Variants in TET3 observed in about 807,000 individuals in gnomAD.
The protein encoded by TET3 is methylcytosine dioxygenase TET3.
In TET3, 19 loss-of-function variants were observed where a neutral mutation model predicts 141.4. The ratio of observed to expected loss-of-function variants is 0.13; its 90% CI spans 0.09 to 0.20. The LOEUF (loss-of-function observed/expected upper bound fraction) is 0.20. Ranked by LOEUF, TET3 falls within the 10% of genes least tolerant of loss-of-function variation. TET3 has a pLI of 1.00. For synonymous variants in TET3, 1,043 were observed against 980.9 expected, an observed-to-expected ratio of 1.06 and a Z score of -1.18; for missense variants, 1,874 against 2,356.9, an observed-to-expected ratio of 0.80 and a Z score of 4.24.
At position 74,061,821 on chromosome 2, in the gene TET3, T is replaced by C. The variant is rs1193759587; in HGVS notation, c.2495-11728T>C. On this transcript the variant is annotated intron_variant, in intron 4 of 11. Coordinates refer to ENST00000409262, the MANE Select transcript of TET3 (RefSeq NM_001287491.2). ...GAGGCGCTCCTCACATCTCAGACGA[T>C]GGGCGGCCGGGCAGAGACGCTCCTC... is the stretch of plus-strand genomic sequence containing the variant. Among the ~76,000 whole-genome samples the C allele has an allele frequency of 7.9e-5, 5 of 63,516 alleles. 1 individual carries two copies. Among genetic ancestry groups the C allele is most frequent in the Admixed American group, 7.4e-4 (5 of 6,736 alleles). The allele number at this position is 63,516 out of a possible 152,430, so 41.7% of individuals were successfully genotyped here. A position where few individuals can be genotyped will look rare whatever the true frequency, so the allele number is the denominator to read the frequency against.
intron 3 of TET3, among the ~76,000 whole-genome samples, chr2:74,029,366 A>G (rs1319290203): frequency 2.0e-5 from 3 of 152,212 alleles, no homozygotes; most frequent in South Asian, 2.1e-4. Context: ...CCAACAGTCA[A>G]TACGTCCCTT....
At chr2:74,100,224 G>C (rs891928191) in intron 11 of TET3, among the ~76,000 whole-genome samples, 169 bp from the exon 12 acceptor site, 2 of 152,116 alleles carry the variant, frequency 1.3e-5, no homozygotes, top group Non-Finnish European at 2.9e-5. Flanking sequence ...CAGGGCCCAG[G>C]GAGTACGACC....
the TET3 span, among the ~76,000 whole-genome samples, chr2:74,126,991 C>T: frequency 6.6e-6 from 1 of 152,198 alleles, no homozygotes; most frequent in Non-Finnish European, 1.5e-5. Flanking sequence ...TAGACAGCTA[C>T]CAAGTCCAGT....
upstream of TET3, among the ~76,000 whole-genome samples, chr2:73,984,590 C>A (rs1683898177): frequency 6.6e-6 from 1 of 151,836 alleles, no homozygotes; most frequent in Non-Finnish European, 1.5e-5. This position sits in a 1 kb window ranked among gnomAD's most constrained non-coding sequence, Gnocchi z 5.6. Flanking sequence ...GTCCGCGTGC[C>A]CCACCCCGCC....
chr2:74,111,618 G>A (rs1691708032), downstream of TET3, among the ~76,000 whole-genome samples: 1 of 152,222 alleles, frequency 6.6e-6, no homozygotes, highest in South Asian at 2.1e-4. Context: ...GATATGGACA[G>A]AGGCATGTTG....
intron 4 of TET3, among the ~76,000 whole-genome samples, chr2:74,051,994 C>G (rs1447612745): frequency 6.6e-6 from 1 of 152,222 alleles, no homozygotes; most frequent in Non-Finnish European, 1.5e-5. Flanking sequence ...CCAGAATTGT[C>G]TGGCCACATG....
At position 73,985,744 on chromosome 2, in the gene TET3, T is replaced by G. The variant is rs561017916; in HGVS notation, c.-424-236T>G. ...GGGAAGAGGGCAACTTTCTTAGAAA[T>G]CTCACCTTGATCACCCCCTTGAATC... On this transcript the variant is annotated intron_variant, in intron 1 of 11. Coordinates refer to ENST00000409262, the MANE Select transcript of TET3 (RefSeq NM_001287491.2). Among the ~76,000 whole-genome samples, 4 of 152,022 alleles carry G rather than the reference T, an allele frequency of 2.6e-5. No individual in the cohort carries two copies. The East Asian group carries it at 7.8e-4, about 30-fold the overall frequency.
intron 4 of TET3, among the ~76,000 whole-genome samples, chr2:74,070,914 G>A (rs915864223): frequency 6.6e-6 from 1 of 152,130 alleles, no homozygotes; most frequent in Non-Finnish European, 1.5e-5. Context: ...GGTCGAAGCT[G>A]CAGTAAGCTG....
rs965646769 is a variant in TET3, at chr2:74,102,286, C to A, written c.*110C>A. The A allele has an allele frequency of 2.3e-6, 3 of 1,322,998 alleles. No individual in the cohort carries two copies. In the African/African-American group the frequency reaches 4.5e-5, roughly 20 times the overall value. 82.0% of individuals were successfully genotyped at this position (1,322,998 alleles called of 1,614,324 possible). On this transcript the variant is annotated 3_prime_UTR_variant, in exon 12 of 12. Coordinates refer to ENST00000409262, the MANE Select transcript of TET3 (RefSeq NM_001287491.2). ...TGGGGGTGCAGAAGTCTTTTTATCT[C>A]TATATACATATATAGATGCGCATAT...
At chr2:74,080,686 G>A in intron 6 of TET3, 95 bp downstream of exon 6, 2 of 541,978 alleles carry the variant, frequency 3.7e-6, no homozygotes, top group Non-Finnish European at 6.0e-6. Flanking sequence ...GCATGTAGCT[G>A]AGCAGGCGAG....
intron 4 of TET3, among the ~76,000 whole-genome samples, chr2:74,072,390 T>A (rs1328732609): frequency 6.6e-6 from 1 of 151,954 alleles, no homozygotes; most frequent in African/African-American, 2.4e-5. Flanking sequence ...TGCATGCCTA[T>A]AATCCCAGCT....
At chr2:74,080,675 T>C in intron 6 of TET3, 84 bp downstream of exon 6, 4 of 715,904 alleles carry the variant, frequency 5.6e-6, no homozygotes, top group South Asian at 3.4e-5. Context: ...TTCCCCTTGC[T>C]GCATGTAGCT....
rs1348975900 is a variant in TET3, at chr2:74,107,540, A to G, written c.*5364A>G. 1 of 151,716 alleles carries G rather than the reference A, an allele frequency of 6.6e-6. No individual in the cohort carries two copies. The allele number at this position is 151,716 out of a possible 1,614,324, so 9.4% of individuals were successfully genotyped here. A position where few individuals can be genotyped will look rare whatever the true frequency, so the allele number is the denominator to read the frequency against. ...TTTCAATACCCTTTTTTTTCTTTTG[A>G]GGGGAAAAGAGGGGAGAAAAACAGG... On this transcript the variant is annotated 3_prime_UTR_variant, in exon 12 of 12. Coordinates refer to ENST00000409262, the MANE Select transcript of TET3 (RefSeq NM_001287491.2).
At position 74,100,848 on chromosome 2, in the gene TET3, C is replaced by T. The variant is rs1310604370; in HGVS notation, c.4060C>T (p.Pro1354Ser). 2 of 1,611,942 alleles carry T rather than the reference C, an allele frequency of 1.2e-6. No individual in the cohort carries two copies. Among genetic ancestry groups the T allele is most frequent in the Non-Finnish European group, 1.7e-6 (2 of 1,179,216 alleles). The change falls in exon 12 of 12, where the codon CCT becomes TCT. Residue 1354 changes from proline to serine, a missense_variant. Transcript: ENST00000409262. ...AVPTDAHHPTPHHQQPAYPGP... is the reference protein window; with the variant it reads ...AVPTDAHHPTSHHQQPAYPGP... Reference sequence around the variant, plus strand: ...TCCCACAGACGCCCACCACCCCACTCCTCACCACCAGCAGCCTGCGTACCC... The same window carrying T: ...TCCCACAGACGCCCACCACCCCACTTCTCACCACCAGCAGCCTGCGTACCC...
chr2:74,005,489 A>G (rs1447305508), intron 3 of TET3, among the ~76,000 whole-genome samples: 1 of 152,192 alleles, frequency 6.6e-6, no homozygotes, highest in Non-Finnish European at 1.5e-5. Flanking sequence ...AGTTGGCTGC[A>G]GTGTCCCACA....
chr2:74,116,778 G>C, the TET3 span, among the ~76,000 whole-genome samples: 2 of 150,874 alleles, frequency 1.3e-5, no homozygotes, highest in Non-Finnish European at 3.0e-5. Context: ...CAAACAAAAA[G>C]ATTAAAAAGA....
At chr2:73,993,851 ATGG>A (rs1410220441) in intron 2 of TET3, 2 of 152,222 alleles carry the variant, frequency 1.3e-5, no homozygotes, top group African/African-American at 4.8e-5. Flanking sequence ...CCAGTAGTAG[ATGG>A]TGGTGGTTGT....
At chr2:74,075,320 CTTTTTT>C (rs971111434) in intron 5 of TET3, among the ~76,000 whole-genome samples, 5 of 89,080 alleles carry the variant, frequency 5.6e-5, no homozygotes, top group Non-Finnish European at 9.1e-5. Flanking sequence ...GAGCCAAATA[CTTTTTT>C]TTTTTTTTTT....
intron 7 of TET3, 88 bp downstream of exon 7, chr2:74,088,126 C>G: frequency 1.5e-6 from 2 of 1,335,754 alleles, no homozygotes; most frequent in South Asian, 2.9e-5. Flanking sequence ...CTGGGGAAGG[C>G]TCCTAGGGGC....
Sources: gnomAD v4.1 joint callset for allele counts (sites outside exome capture counted in the v4.1 genomes callset) on GRCh38, gnomAD v4.1.1 for gene constraint, Gnocchi (gnomAD v3.1) non-coding constraint, MANE v1.5 for transcripts, NCBI Gene and HGNC (gene_info 2026-07-23, HGNC 2026-07-21) for gene names.